Variants in PDK1 observed in about 807,000 individuals in gnomAD.
PDK1 encodes the protein [Pyruvate dehydrogenase (acetyl-transferring)] kinase isozyme 1, mitochondrial.
In PDK1, 39 loss-of-function variants were observed where a neutral mutation model predicts 54.2. The observed-to-expected ratio is 0.72, with a 90% CI of 0.56 to 0.94. The LOEUF is 0.94. PDK1 is among the 40% of genes least tolerant of loss of function. The pLI, the probability that PDK1 is intolerant of heterozygous loss-of-function variation, is 0.00. For synonymous variants in PDK1, 221 were observed against 207.1 expected (o/e 1.07, Z -0.58); for missense variants, 552 against 566.0 (o/e 0.98, Z 0.25).
chr2:172,588,796 T>C lies in PDK1; in HGVS notation c.1056+2408T>C, dbSNP rs967492264. Among the ~76,000 whole-genome samples, 31 of 152,348 alleles carry C rather than the reference T, an allele frequency of 2.0e-4. 1 individual carries two copies. The highest frequency in any genetic ancestry group is 7.0e-4 in the African/African-American group (29 of 41,582). ...GGATACCTTCTTGTGGGTCTTTGCA[T>C]GGATAGGCTATCTTCACACTGTAAG... On this transcript the variant is annotated intron_variant, in intron 9 of 10. Coordinates refer to ENST00000282077, the MANE Select transcript of PDK1 (RefSeq NM_002610.5).
chr2:172,637,435 C>A, the PDK1 span, among the ~76,000 whole-genome samples: 197 of 115,418 alleles, frequency 1.7e-3, no homozygotes, highest in African/African-American at 5.3e-3. Flanking sequence ...TACACCTTAA[C>A]CCATTTAAAA....
the PDK1 span, among the ~76,000 whole-genome samples, chr2:172,683,180 A>G: frequency 1.3e-5 from 2 of 152,034 alleles, no homozygotes; most frequent in African/African-American, 4.8e-5. Flanking sequence ...CCCTGTCTCT[A>G]CTAAAAATAC....
chr2:172,688,428 T>G, the PDK1 span, among the ~76,000 whole-genome samples: 1 of 152,210 alleles, frequency 6.6e-6, no homozygotes, highest in Non-Finnish European at 1.5e-5. Flanking sequence ...TTGTGCCTGA[T>G]GTTTCCCTCA....
intron 9 of PDK1, among the ~76,000 whole-genome samples, chr2:172,588,394 A>G (rs1420285109): frequency 1.3e-5 from 2 of 152,114 alleles, no homozygotes; most frequent in Non-Finnish European, 2.9e-5. Flanking sequence ...AAAATTATTG[A>G]CCTCTGGATG....
intron 8 of PDK1, among the ~76,000 whole-genome samples, chr2:172,584,785 G>T (rs1385869701): frequency 2.7e-5 from 4 of 147,822 alleles, no homozygotes; most frequent in Non-Finnish European, 4.5e-5. Flanking sequence ...CTCCCAAGTA[G>T]TTGGGGATTA....
intron 1 of PDK1, among the ~76,000 whole-genome samples, chr2:172,557,552 G>A (rs1400002418): frequency 6.6e-6 from 1 of 151,960 alleles, no homozygotes; most frequent in Non-Finnish European, 1.5e-5. Flanking sequence ...GGTGCAAACA[G>A]GCAGTGGTGA....
chr2:172,613,855 T>C, the PDK1 span, among the ~76,000 whole-genome samples: 2 of 152,056 alleles, frequency 1.3e-5, no homozygotes, highest in South Asian at 4.1e-4. Flanking sequence ...CTGTAGACCC[T>C]CCTGCTCTAC....
At chr2:172,659,291 AT>A in the PDK1 span, among the ~76,000 whole-genome samples, 2 of 152,120 alleles carry the variant, frequency 1.3e-5, no homozygotes, top group Non-Finnish European at 1.5e-5. Flanking sequence ...CACAAATCTA[AT>A]TTCACTAACC....
At chr2:172,620,992 C>T in the PDK1 span, among the ~76,000 whole-genome samples, 1 of 152,146 alleles carries the variant, frequency 6.6e-6, no homozygotes, top group Non-Finnish European at 1.5e-5. Flanking sequence ...ATGATTAGAA[C>T]ATGTCGGCTG....
chr2:172,587,413 G>A lies in PDK1; in HGVS notation c.1056+1025G>A, dbSNP rs568845460. Among the ~76,000 whole-genome samples, 11 of 152,178 alleles carry A rather than the reference G, an allele frequency of 7.2e-5. No individual in the cohort carries two copies. In the East Asian group the frequency reaches 2.1e-3, roughly 29 times the overall value. The stretch of plus-strand genomic sequence containing the variant: ...TCGTGGTCTTGCTGGCTTCAGGAGT[G>A]AAGCTGCAGACCTTTGTGGTGAGTG... On this transcript the variant is annotated intron_variant, in intron 9 of 10. Coordinates refer to ENST00000282077, the MANE Select transcript of PDK1 (RefSeq NM_002610.5).
chr2:172,560,332 A>G (rs572614945), intron 2 of PDK1, among the ~76,000 whole-genome samples: 4 of 152,188 alleles, frequency 2.6e-5, no homozygotes, highest in African/African-American at 7.2e-5. Flanking sequence ...TACCTGACCA[A>G]TTCTTTTATT....
the PDK1 span, among the ~76,000 whole-genome samples, chr2:172,630,288 T>C: frequency 6.6e-6 from 1 of 152,258 alleles, no homozygotes; most frequent in Non-Finnish European, 1.5e-5. Context: ...GACAATCTTG[T>C]ATTTTTTTCT....
At chr2:172,556,724 T>C (rs912144491) in intron 1 of PDK1, 1 of 185,842 alleles carries the variant, frequency 5.4e-6, no homozygotes, top group African/African-American at 2.4e-5. Flanking sequence ...CGTGCAGTGA[T>C]GATGAATGCC....
At chr2:172,581,706 C>T (rs1037243647) in intron 8 of PDK1, among the ~76,000 whole-genome samples, 1 of 152,138 alleles carries the variant, frequency 6.6e-6, no homozygotes, top group Non-Finnish European at 1.5e-5. Flanking sequence ...TTACCCTAGA[C>T]TTTTAGAATC....
chr2:172,567,249 A>T (rs1337510166), intron 6 of PDK1, among the ~76,000 whole-genome samples: 3 of 152,210 alleles, frequency 2.0e-5, no homozygotes, highest in Non-Finnish European at 4.4e-5. Flanking sequence ...TTTTACATGC[A>T]CTTCACTAAT....
chr2:172,612,058 T>C (rs577832529), downstream of PDK1, among the ~76,000 whole-genome samples: 1 of 152,364 alleles, frequency 6.6e-6, no homozygotes, highest in South Asian at 2.1e-4. Flanking sequence ...GCCACAATTT[T>C]AAAAGTTGTT....
the PDK1 span, among the ~76,000 whole-genome samples, chr2:172,672,785 T>G: frequency 6.6e-6 from 1 of 152,214 alleles, no homozygotes; most frequent in Non-Finnish European, 1.5e-5. Context: ...GTAAATCCAC[T>G]GATTGTTAAA....
chr2:172,557,493 T>C (rs948511800), intron 1 of PDK1, among the ~76,000 whole-genome samples: 1 of 151,834 alleles, frequency 6.6e-6, no homozygotes, highest in Non-Finnish European at 1.5e-5. Context: ...TGTAGAGGGG[T>C]CAGGAGACTT....
At chr2:172,655,252 G>A in the PDK1 span, among the ~76,000 whole-genome samples, 1 of 152,136 alleles carries the variant, frequency 6.6e-6, no homozygotes, top group African/African-American at 2.4e-5. Context: ...CATCTGTCCC[G>A]AGGACCAGCT....
Sources: gnomAD v4.1 joint callset for allele counts (sites outside exome capture counted in the v4.1 genomes callset) on GRCh38, gnomAD v4.1.1 for gene constraint, MANE v1.5 for transcripts, NCBI Gene and HGNC (gene_info 2026-07-23, HGNC 2026-07-21) for gene names.